The following CUL2 variants were observed in gnomAD, a reference collection of about 807,000 sequenced individuals.
CUL2 encodes cullin 2, also known as cullin-2.
In CUL2, 22 loss-of-function variants were observed where a neutral mutation model predicts 110.2. The ratio of observed to expected loss-of-function variants is 0.20; its 90% CI spans 0.14 to 0.28. CUL2 has a LOEUF of 0.28. Ranked by LOEUF, CUL2 falls within the 10% of genes least tolerant of loss-of-function variation. The pLI is 1.00. For synonymous variants in CUL2, 279 were observed against 293.2 expected (o/e 0.95, Z 0.49); for missense variants, 631 against 905.5 (o/e 0.70, Z 3.89).
intron 17 of CUL2, among the ~76,000 whole-genome samples, chr10:35,019,521 T>C (rs2085131020): frequency 6.6e-6 from 1 of 152,158 alleles, no homozygotes; most frequent in Non-Finnish European, 1.5e-5. Flanking sequence ...ATTCATTTAA[T>C]TACTGTGGTG....
At chr10:35,106,122 A>C (rs2135118780) in intron 1 of CUL2, among the ~76,000 whole-genome samples, 1 of 152,250 alleles carries the variant, frequency 6.6e-6, no homozygotes, top group East Asian at 1.9e-4. Flanking sequence ...TTACGTCATC[A>C]GGGTGGAGGT....
At chr10:35,122,636 TTTTA>T (rs1271221400) in intron 1 of CUL2, among the ~76,000 whole-genome samples, 6 of 152,182 alleles carry the variant, frequency 3.9e-5, no homozygotes, top group East Asian at 1.9e-4. Context: ...TTTTATTTTA[TTTTA>T]TTTATTTATT....
intron 2 of CUL2, among the ~76,000 whole-genome samples, chr10:35,063,592 G>A (rs2086439487): frequency 6.6e-6 from 1 of 152,046 alleles, no homozygotes; most frequent in African/African-American, 2.4e-5. Context: ...CCATGAATAG[G>A]AATATCAATT....
chr10:35,101,587 G>A (rs546299091), intron 1 of CUL2, among the ~76,000 whole-genome samples: 2 of 152,268 alleles, frequency 1.3e-5, no homozygotes, highest in Non-Finnish European at 2.9e-5. Context: ...ACCAAGATTA[G>A]TTTTGAACTG....
At chr10:35,108,453 T>G (rs1345121882) in intron 1 of CUL2, among the ~76,000 whole-genome samples, 1 of 131,038 alleles carries the variant, frequency 7.6e-6, no homozygotes, top group African/African-American at 2.9e-5. Context: ...AGACCCTGAC[T>G]CAAAAAAAAA....
chr10:35,074,055 C>T (rs976862868), intron 1 of CUL2: 1 of 857,626 alleles, frequency 1.2e-6, no homozygotes, highest in African/African-American at 1.7e-5. Flanking sequence ...TGCTACCTCA[C>T]TAACATGCTT....
At chr10:35,041,637 A>G (rs1285122998) in intron 8 of CUL2, among the ~76,000 whole-genome samples, 1 of 152,206 alleles carries the variant, frequency 6.6e-6, no homozygotes, top group Non-Finnish European at 1.5e-5. Flanking sequence ...TCTCAGGCTC[A>G]AGTGATCTTC....
At chr10:35,060,757 G>A in intron 4 of CUL2, 117 bp downstream of exon 4, 1 of 789,506 alleles carries the variant, frequency 1.3e-6, no homozygotes, top group South Asian at 1.8e-5. Context: ...CCATGTCAGA[G>A]AGAATGCTTT....
intron 18 of CUL2, among the ~76,000 whole-genome samples, chr10:35,014,830 C>A (rs955730517): frequency 6.6e-6 from 1 of 151,766 alleles, no homozygotes; most frequent in African/African-American, 2.4e-5. Context: ...AAGATCTCAT[C>A]TCAAAAATAA....
chr10:35,092,567 A>G (rs148984351), upstream of CUL2, among the ~76,000 whole-genome samples: 124 of 152,372 alleles, frequency 8.1e-4, 2 homozygotes, highest in African/African-American at 2.8e-3. Context: ...CTTGAAGAAA[A>G]GCACTTGTGT....
intron 1 of CUL2, among the ~76,000 whole-genome samples, chr10:35,076,597 T>C (rs540913404): frequency 9.9e-5 from 15 of 152,280 alleles, no homozygotes; most frequent in African/African-American, 3.6e-4. Flanking sequence ...CCACCTCCCA[T>C]TGAATGAGGC....
chr10:35,013,890 A>G, intron 18 of CUL2, 90 bp from the exon 19 acceptor site: 1 of 892,114 alleles, frequency 1.1e-6, no homozygotes, highest in Non-Finnish European at 1.5e-6. Flanking sequence ...ATTAATGACC[A>G]AGCAAAAAAG....
At chr10:35,073,493 A>G (rs2086734618) in intron 1 of CUL2, among the ~76,000 whole-genome samples, 1 of 152,170 alleles carries the variant, frequency 6.6e-6, no homozygotes, top group Non-Finnish European at 1.5e-5. Flanking sequence ...ACTGCAAGCC[A>G]AGCACTAGTC....
chr10:35,081,970 C>A (rs1389183047), intron 1 of CUL2, among the ~76,000 whole-genome samples: 1 of 152,070 alleles, frequency 6.6e-6, no homozygotes, highest in Non-Finnish European at 1.5e-5. Context: ...TATCAATTAA[C>A]CCTCTAGCAA....
At chr10:35,062,785 C>T (rs760162380) in intron 3 of CUL2, among the ~76,000 whole-genome samples, 175 bp downstream of exon 3, 25 of 151,828 alleles carry the variant, frequency 1.6e-4, no homozygotes, top group Non-Finnish European at 2.8e-4. Context: ...TGCAGTGAGC[C>T]ATGATCGCGC....
chr10:35,120,806 G>A (rs1231269753), intron 1 of CUL2, among the ~76,000 whole-genome samples: 2 of 152,072 alleles, frequency 1.3e-5, no homozygotes, highest in East Asian at 1.9e-4. Flanking sequence ...TGTAGTGGGA[G>A]GACTGCTTGA....
chr10:35,013,261 C>A (rs1292392266), intron 19 of CUL2, among the ~76,000 whole-genome samples: 1 of 150,288 alleles, frequency 6.7e-6, no homozygotes, highest in Admixed American at 6.7e-5. Flanking sequence ...AGGAGAATGG[C>A]GTGAACCCGG....
intron 5 of CUL2, among the ~76,000 whole-genome samples, 159 bp downstream of exon 5, chr10:35,054,275 G>A (rs2086188519): frequency 6.6e-6 from 1 of 151,050 alleles, no homozygotes. Flanking sequence ...CGTTCCTGAG[G>A]ATTCTTAGGA....
At chr10:35,075,823 A>G (rs936005982) in intron 1 of CUL2, among the ~76,000 whole-genome samples, 3 of 152,212 alleles carry the variant, frequency 2.0e-5, no homozygotes, top group Non-Finnish European at 4.4e-5. Context: ...TGATTTCCTC[A>G]CAGCATAATT....
Sources: gnomAD v4.1 joint callset for allele counts (sites outside exome capture counted in the v4.1 genomes callset) on GRCh38, gnomAD v4.1.1 for gene constraint, MANE v1.5 for transcripts, NCBI Gene and HGNC (gene_info 2026-07-23, HGNC 2026-07-21) for gene names.